The following ARHGAP44 variants were observed in gnomAD, a reference collection of about 807,000 sequenced individuals.
ARHGAP44 encodes the protein Rho GTPase activating protein 44.
Under a neutral mutation model 106.8 loss-of-function variants are expected in ARHGAP44, and 43 were observed. The ratio of observed to expected loss-of-function variants is 0.40; its 90% CI spans 0.32 to 0.52. The LOEUF (loss-of-function observed/expected upper bound fraction) is 0.52. Ranked by LOEUF, ARHGAP44 falls within the 20% of genes least tolerant of loss-of-function variation. ARHGAP44 has a pLI of 0.48. For synonymous variants in ARHGAP44, 439 were observed against 410.3 expected (o/e 1.07, Z -0.85); for missense variants, 866 against 1,050.5 (o/e 0.82, Z 2.43).
At chr17:12,982,443 C>T (rs1389700344) in intron 19 of ARHGAP44, among the ~76,000 whole-genome samples, 1 of 152,036 alleles carries the variant, frequency 6.6e-6, no homozygotes, top group Non-Finnish European at 1.5e-5. Context: ...TGTCCCCCAG[C>T]TCCTTCGTGA....
chr17:12,909,112 G>A, intron 4 of ARHGAP44, 139 bp downstream of exon 4: 1 of 706,478 alleles, frequency 1.4e-6, no homozygotes, highest in Non-Finnish European at 2.3e-6. Flanking sequence ...TTACCAGTAG[G>A]AAATCAGAAC....
chr17:12,949,268 G>A lies in ARHGAP44; in HGVS notation c.973+17G>A, dbSNP rs779237475. 40 of 1,548,578 alleles carry A rather than the reference G, an allele frequency of 2.6e-5. No individual in the cohort carries two copies. The highest frequency in any genetic ancestry group is 1.2e-4 in the African/African-American group (9 of 73,002). ...CAATTGCAGGTGGGCACCTCTCAGC[G>A]CTCCTGTGTGCCATGGAGGCTCACA... On this transcript the variant is annotated intron_variant, in intron 11 of 20. Transcript: ENST00000379672. This position sits in a 1 kb window ranked among gnomAD's most constrained non-coding sequence, Gnocchi z 4.1.
At chr17:12,877,770 A>G (rs1262830221) in intron 1 of ARHGAP44, among the ~76,000 whole-genome samples, 1 of 151,858 alleles carries the variant, frequency 6.6e-6, no homozygotes, top group African/African-American at 2.4e-5. Flanking sequence ...AACACTAAAG[A>G]TATATAAACA....
At chr17:12,885,189 G>A (rs917966271) in intron 1 of ARHGAP44, among the ~76,000 whole-genome samples, 18 of 152,166 alleles carry the variant, frequency 1.2e-4, no homozygotes, top group East Asian at 3.9e-4. Flanking sequence ...GTGAGCCATC[G>A]CACCCAGCAC....
Position 12,984,651 on chromosome 17 carries a change from C to T in ARHGAP44, c.2060C>T (p.Pro687Leu), listed in dbSNP as rs779794969. 11 of 1,612,934 alleles carry T rather than the reference C, an allele frequency of 6.8e-6. No individual in the cohort carries two copies. The highest frequency in any genetic ancestry group is 2.2e-5 in the East Asian group (1 of 44,840). The change falls in exon 20 of 21, where the codon CCG (proline) becomes CTG (leucine). Residue 687 changes from proline to leucine, a missense_variant. Coordinates refer to ENST00000379672, the MANE Select transcript of ARHGAP44 (RefSeq NM_014859.6). ...VSLSPTPPST[P>L]SPYGLSYPQG... Reference sequence around the variant, plus strand: ...CTGTCCCCCACCCCGCCCAGCACCCCGTCACCCTATGGACTGAGCTACCCT... The same window carrying T: ...CTGTCCCCCACCCCGCCCAGCACCCTGTCACCCTATGGACTGAGCTACCCT...
chr17:12,974,344 G>T, intron 18 of ARHGAP44, 34 bp downstream of exon 18: 1 of 1,381,640 alleles, frequency 7.2e-7, no homozygotes, highest in South Asian at 1.7e-5. Context: ...GGGCGGGCTG[G>T]TGTGCGGTGC....
chr17:12,830,806 A>G (rs1386173438), intron 1 of ARHGAP44, among the ~76,000 whole-genome samples: 1 of 152,134 alleles, frequency 6.6e-6, no homozygotes, highest in Non-Finnish European at 1.5e-5. Context: ...TGCTTAATTT[A>G]CACACAATGA....
At chr17:12,946,917 C>G (rs568020385) in intron 10 of ARHGAP44, among the ~76,000 whole-genome samples, 1 of 152,282 alleles carries the variant, frequency 6.6e-6, no homozygotes, top group South Asian at 2.1e-4. Flanking sequence ...TCCCAGCTCC[C>G]GTCTCTGCCC....
At chr17:12,945,466 C>G (rs928588331) in intron 10 of ARHGAP44, among the ~76,000 whole-genome samples, 2 of 152,058 alleles carry the variant, frequency 1.3e-5, no homozygotes, top group Non-Finnish European at 2.9e-5. Flanking sequence ...GCATGCGGTA[C>G]GTGTTTTATT....
intron 20 of ARHGAP44, chr17:12,987,341 C>G: frequency 2.0e-6 from 1 of 501,858 alleles, no homozygotes; most frequent in Non-Finnish European, 3.5e-6. Flanking sequence ...GCATCCCTGG[C>G]CTCCTTTTCT....
intron 1 of ARHGAP44, among the ~76,000 whole-genome samples, chr17:12,839,199 C>G (rs1233013391): frequency 6.6e-6 from 1 of 152,116 alleles, no homozygotes; most frequent in Non-Finnish European, 1.5e-5. Context: ...ATGGTCTGTT[C>G]CCAGAGTATC....
intron 1 of ARHGAP44, among the ~76,000 whole-genome samples, chr17:12,826,680 C>T (rs1451786122): frequency 6.6e-6 from 1 of 152,238 alleles, no homozygotes; most frequent in Non-Finnish European, 1.5e-5. Flanking sequence ...GACACCAAGA[C>T]AAGAATGCTT....
At chr17:12,883,579 T>G (rs980457397) in intron 1 of ARHGAP44, among the ~76,000 whole-genome samples, 1 of 152,100 alleles carries the variant, frequency 6.6e-6, no homozygotes, top group Non-Finnish European at 1.5e-5. Flanking sequence ...TCTAAATATT[T>G]TAAATTCCTA....
At chr17:12,910,075 A>G (rs569864767) in intron 4 of ARHGAP44, among the ~76,000 whole-genome samples, 10 of 152,214 alleles carry the variant, frequency 6.6e-5, no homozygotes, top group African/African-American at 2.2e-4. Context: ...CTAGTATTCT[A>G]TGATAAAATA....
chr17:12,905,372 A>C (rs1192611344), intron 3 of ARHGAP44, among the ~76,000 whole-genome samples: 3 of 152,330 alleles, frequency 2.0e-5, no homozygotes, highest in Non-Finnish European at 2.9e-5. Flanking sequence ...CAAAATGATG[A>C]GAAAATGTAG....
chr17:12,934,445 A>G (rs1340525018), intron 7 of ARHGAP44, among the ~76,000 whole-genome samples: 1 of 152,216 alleles, frequency 6.6e-6, no homozygotes, highest in African/African-American at 2.4e-5. Flanking sequence ...TGGGAAGTAA[A>G]TGAGATGCTG....
At chr17:12,942,038 A>G (rs1021770111) in intron 8 of ARHGAP44, among the ~76,000 whole-genome samples, 1 of 152,236 alleles carries the variant, frequency 6.6e-6, no homozygotes, top group Non-Finnish European at 1.5e-5. Flanking sequence ...GTGGGCTGTT[A>G]GAAATTTTCC....
At chr17:12,938,848 G>GT (rs2038626822) in intron 7 of ARHGAP44, among the ~76,000 whole-genome samples, 1 of 152,158 alleles carries the variant, frequency 6.6e-6, no homozygotes, top group Non-Finnish European at 1.5e-5. Context: ...TAACAACACA[G>GT]TAATCCAATC....
In ARHGAP44 at chr17:12,990,045, T is replaced by C. The variant is rs2040084029; in HGVS notation, c.2331T>C (p.Phe777=). The C allele has an allele frequency of 5.0e-6, 8 of 1,603,896 alleles. No individual in the cohort carries two copies. The South Asian group carries it at 8.8e-5, about 18-fold the overall frequency. ...GESMSTDLVH[F]DIPSIHIELG... is the part of the protein sequence containing the mutation. Reference sequence around the variant, plus strand: ...GCCGCCTTCCAGATCTTGTCCACTTTGATATTCCCTCGATCCACATAGAGC... The same window carrying C: ...GCCGCCTTCCAGATCTTGTCCACTTCGATATTCCCTCGATCCACATAGAGC... The change falls in exon 21 of 21, where the codon TTT becomes TTC. Residue 777 remains phenylalanine (F), a synonymous_variant. Transcript: ENST00000379672.
Sources: allele counts gnomAD v4.1 joint callset (sites outside exome capture counted in the v4.1 genomes callset), GRCh38; gene constraint gnomAD v4.1.1; non-coding constraint Gnocchi (gnomAD v3.1); transcripts MANE v1.5; gene names NCBI Gene and HGNC (gene_info 2026-07-23, HGNC 2026-07-21).